Variants in GAL3ST2 observed in about 807,000 individuals in gnomAD.
GAL3ST2 encodes galactose-3-O-sulfotransferase 2.
In GAL3ST2, 16 loss-of-function variants were observed where a neutral mutation model predicts 12.9. The ratio of observed to expected loss-of-function variants is 1.24; its 90% CI spans 0.84 to 1.88. GAL3ST2 has a LOEUF of 1.88. GAL3ST2 is among the 40% of genes most tolerant of loss of function. The pLI is 0.00. For missense variants in GAL3ST2, 639 were observed against 571.8 expected, an observed-to-expected ratio of 1.12 and a Z score of -1.20; for synonymous variants, 302 against 273.9, an observed-to-expected ratio of 1.10 and a Z score of -1.01.
chr2:241,803,023 G>A (rs1321677588), intron 3 of GAL3ST2, among the ~76,000 whole-genome samples: 1 of 152,058 alleles, frequency 6.6e-6, no homozygotes, highest in Non-Finnish European at 1.5e-5. Flanking sequence ...GAGGCCTCTG[G>A]GTCTCCTCGA....
At chr2:241,777,037 A>G in intron 1 of GAL3ST2, 53 bp downstream of exon 1, 1 of 1,405,074 alleles carries the variant, frequency 7.1e-7, no homozygotes, top group Non-Finnish European at 9.4e-7. Context: ...ATCTGTGGCT[A>G]TTCTGAGAGA....
rs942513641 is a variant in GAL3ST2, at chr2:241,804,109, G to A, written c.1140G>A (p.Leu380=). The A allele has an allele frequency of 1.3e-6, 2 of 1,515,498 alleles. No individual in the cohort carries two copies. The highest frequency in any genetic ancestry group is 2.2e-5 in the Admixed American group (1 of 46,426). 93.9% of individuals were successfully genotyped at this position (1,515,498 alleles called of 1,614,324 possible). A position where few individuals can be genotyped will look rare whatever the true frequency, so the allele number is the denominator to read the frequency against. The change falls in exon 4 of 4, where the codon CTG becomes CTA. Residue 380 remains leucine (L), a synonymous_variant. Transcript: ENST00000192314. ...CTGAGCTCCAGTACATGGCCCGCCT[G>A]TACGCCCTGCAGTTCCCGGAGAAGC... ...VMPELQYMAR[L]YALQFPEKPL...
intron 1 of GAL3ST2, among the ~76,000 whole-genome samples, chr2:241,792,271 C>T (rs2125193398): frequency 6.6e-6 from 1 of 152,058 alleles, no homozygotes. Context: ...CTCAGGTGAT[C>T]CACCTGCCTC....
At chr2:241,781,003 GT>G (rs1699559967) in intron 1 of GAL3ST2, among the ~76,000 whole-genome samples, 1 of 152,182 alleles carries the variant, frequency 6.6e-6, no homozygotes, top group South Asian at 2.1e-4. Flanking sequence ...AAAATAACCA[GT>G]TTCTCCAATT....
intron 1 of GAL3ST2, among the ~76,000 whole-genome samples, chr2:241,794,806 C>T (rs751149422): frequency 6.6e-6 from 1 of 152,212 alleles, no homozygotes; most frequent in Non-Finnish European, 1.5e-5. Context: ...AAGCTAAGGG[C>T]ACTTGAAAGC....
intron 1 of GAL3ST2, among the ~76,000 whole-genome samples, chr2:241,779,481 C>G (rs896978059): frequency 2.7e-5 from 4 of 150,866 alleles, no homozygotes; most frequent in African/African-American, 9.7e-5. Context: ...GATCCGCCGG[C>G]CTTGGCCTCC....
chr2:241,793,591 ATATGTG>A lies in GAL3ST2; in HGVS notation c.30-5470_30-5465del, dbSNP rs1559415628. Reference sequence around the variant, plus strand: ...TGTGTGCGTATATGTGTATGTATGTATATGTGTATATGTGTGTGTATTGTGTGTGTA... The same window carrying A: ...TGTGTGCGTATATGTGTATGTATGTATATATGTGTGTGTATTGTGTGTGTA... On this transcript the variant is annotated intron_variant, in intron 1 of 3. Transcript: ENST00000192314. The surrounding 1 kb of genome is among the most constrained non-coding windows in gnomAD (Gnocchi z 4.7). Among the ~76,000 whole-genome samples the A allele has an allele frequency of 6.8e-6, 1 of 146,230 alleles. No individual in the cohort carries two copies.
At chr2:241,798,034 G>A (rs188402711) in intron 1 of GAL3ST2, among the ~76,000 whole-genome samples, 2 of 152,270 alleles carry the variant, frequency 1.3e-5, no homozygotes, top group Admixed American at 6.5e-5. Context: ...CACAGCCCAC[G>A]TGGTAGCCCC....
chr2:241,798,147 A>G (rs1403073523), intron 1 of GAL3ST2, among the ~76,000 whole-genome samples: 1 of 152,118 alleles, frequency 6.6e-6, no homozygotes, highest in East Asian at 1.9e-4. Flanking sequence ...GTCAGGCCTT[A>G]CCCAGATCTG....
At position 241,803,441 on chromosome 2, in the gene GAL3ST2, G is replaced by GC; in HGVS notation, c.477dup (p.Ala160ArgfsTer214). On this transcript the variant is annotated frameshift_variant, in exon 4 of 4. Coordinates refer to ENST00000192314, the MANE Select transcript of GAL3ST2 (RefSeq NM_022134.3). LOFTEE classifies it low-confidence loss of function (END_TRUNC). Reference sequence around the variant, plus strand: ...CTCCTTCATCTACTACAAAACCTACGCCCCCGCCTTCCGGGGCGCCCCGAG... The same window carrying GC: ...CTCCTTCATCTACTACAAAACCTACGCCCCCCGCCTTCCGGGGCGCCCCGAG... 1 of 1,612,104 alleles carries GC rather than the reference G, an allele frequency of 6.2e-7. No homozygotes were observed. Among genetic ancestry groups the GC allele is most frequent in the Non-Finnish European group, 8.5e-7 (1 of 1,179,514 alleles).
chr2:241,801,611 G>GC lies in GAL3ST2; in HGVS notation c.120-169dup. On this transcript the variant is annotated intron_variant, in intron 2 of 3. Transcript: ENST00000192314. This position sits in a 1 kb window ranked among gnomAD's most constrained non-coding sequence, Gnocchi z 4.4. ...ACCAGCTGGGAGGTTGTGGAGTGGG[G>GC]CAAGGATTGGGGCCATGGGTCGGTG... The GC allele has an allele frequency of 1.2e-6, 1 of 802,278 alleles. No homozygotes were observed. Among genetic ancestry groups the GC allele is most frequent in the Non-Finnish European group, 1.9e-6 (1 of 521,654 alleles). The allele number at this position is 802,278 out of a possible 1,614,324, so 49.7% of individuals were successfully genotyped here.
intron 1 of GAL3ST2, among the ~76,000 whole-genome samples, chr2:241,785,465 C>G (rs1327149109): frequency 6.6e-6 from 1 of 151,098 alleles, no homozygotes; most frequent in East Asian, 1.9e-4. Flanking sequence ...AAGCAGGAGA[C>G]TCGCTTGAAC....
chr2:241,801,691 T>C lies in GAL3ST2; in HGVS notation c.120-90T>C. 1 of 1,505,112 alleles carries C rather than the reference T, an allele frequency of 6.6e-7. No homozygotes were observed. Among genetic ancestry groups the C allele is most frequent in the Non-Finnish European group, 8.9e-7 (1 of 1,127,480 alleles). 93.2% of individuals were successfully genotyped at this position (1,505,112 alleles called of 1,614,324 possible). ...TGGGGGGCTCAGGTTGGGAGGTCTC[T>C]CCTTGCGGTTGCCGGGCTGGGGGTC... On this transcript the variant is annotated intron_variant, in intron 2 of 3. Transcript: ENST00000192314. This position sits in a 1 kb window ranked among gnomAD's most constrained non-coding sequence, Gnocchi z 4.4.
chr2:241,793,027 C>T lies in GAL3ST2; in HGVS notation c.30-6038C>T, dbSNP rs976514438. 6.6e-6 allele frequency among the ~76,000 whole-genome samples: 1 copy of T among 152,146 alleles called. No homozygotes were observed. The highest frequency in any genetic ancestry group is 2.1e-4 in the South Asian group (1 of 4,826). ...TTCGAGCCATCCTGCCTCTCCAGAC[C>T]GAACCAATGTTCGTCCTGCATATGC... On this transcript the variant is annotated intron_variant, in intron 1 of 3. Transcript: ENST00000192314. This position sits in a 1 kb window ranked among gnomAD's most constrained non-coding sequence, Gnocchi z 4.7.
chr2:241,794,033 A>T (rs1308680761), intron 1 of GAL3ST2, among the ~76,000 whole-genome samples: 1 of 151,290 alleles, frequency 6.6e-6, no homozygotes, highest in East Asian at 1.9e-4. Flanking sequence ...TGCAGCCTCG[A>T]CCTCCCTGGC....
In GAL3ST2 at chr2:241,786,359, C is replaced by A. The variant is rs115038944; in HGVS notation, c.29+9375C>A. On this transcript the variant is annotated intron_variant, in intron 1 of 3. Coordinates refer to ENST00000192314, the MANE Select transcript of GAL3ST2 (RefSeq NM_022134.3). ...CAAGCAATCACACAACTATATGATT[C>A]CTGAGTGCTCTAATGGTAAGGAGAA... Among the ~76,000 whole-genome samples the A allele has an allele frequency of 8.2e-3, 1,240 of 152,112 alleles. 15 individuals carry two copies. The highest frequency in any genetic ancestry group is 0.027 in the African/African-American group (1,102 of 41,502).
At chr2:241,779,137 C>T (rs1575360129) in intron 1 of GAL3ST2, among the ~76,000 whole-genome samples, 1 of 149,464 alleles carries the variant, frequency 6.7e-6, no homozygotes, top group East Asian at 2.0e-4. Context: ...AGTCTCTGGT[C>T]CCAGGTTTTG....
chr2:241,798,273 A>G (rs1319395158), intron 1 of GAL3ST2, among the ~76,000 whole-genome samples: 1 of 152,180 alleles, frequency 6.6e-6, no homozygotes, highest in African/African-American at 2.4e-5. Context: ...TGCTTCCTCC[A>G]GGCTCAGTCA....
intron 1 of GAL3ST2, among the ~76,000 whole-genome samples, chr2:241,781,619 A>G (rs1699567830): frequency 2.0e-5 from 3 of 152,112 alleles, no homozygotes; most frequent in Admixed American, 1.3e-4. Context: ...ATTAAATTAT[A>G]TCAGAATTAT....
Sources: gnomAD v4.1 joint callset for allele counts (sites outside exome capture counted in the v4.1 genomes callset) on GRCh38, gnomAD v4.1.1 for gene constraint, Gnocchi (gnomAD v3.1) non-coding constraint, MANE v1.5 for transcripts, NCBI Gene and HGNC (gene_info 2026-07-23, HGNC 2026-07-21) for gene names.